The following FARS2 variants were observed in gnomAD, a reference collection of about 807,000 sequenced individuals.
FARS2 encodes the protein phenylalanine--tRNA ligase, mitochondrial.
In FARS2, 40 loss-of-function variants were observed where a neutral mutation model predicts 46.4. The ratio of observed to expected loss-of-function variants is 0.86; its 90% CI spans 0.67 to 1.12. The LOEUF (loss-of-function observed/expected upper bound fraction) is 1.12, where lower values mean the gene tolerates loss of function less well. FARS2 is among the 50% of genes most tolerant of loss of function. The pLI is 0.00. For missense variants in FARS2, 513 were observed against 567.9 expected (o/e 0.90, Z 0.98); for synonymous variants, 234 against 214.9 (o/e 1.09, Z -0.78).
intron 6 of FARS2, among the ~76,000 whole-genome samples, chr6:5,739,444 T>A (rs1255481103): frequency 6.6e-6 from 1 of 152,240 alleles, no homozygotes; most frequent in East Asian, 1.9e-4. Flanking sequence ...CAGTTATTCC[T>A]GGGAAGCAAT....
chr6:5,356,431 A>G (rs1354607823), intron 1 of FARS2, among the ~76,000 whole-genome samples: 1 of 152,188 alleles, frequency 6.6e-6, no homozygotes, highest in Admixed American at 6.5e-5. Flanking sequence ...AGCTTGGGTG[A>G]CAGAGCGAGA....
chr6:5,733,627 C>T (rs1374366888), intron 6 of FARS2, among the ~76,000 whole-genome samples: 2 of 152,188 alleles, frequency 1.3e-5, no homozygotes, highest in African/African-American at 4.8e-5. Context: ...ACTGCCTTTG[C>T]TCAAGAACAT....
chr6:5,296,356 T>A (rs1320322140), intron 1 of FARS2, among the ~76,000 whole-genome samples: 8 of 152,126 alleles, frequency 5.3e-5, no homozygotes, highest in Non-Finnish European at 1.2e-4. Flanking sequence ...TTAGCCAGGA[T>A]GGTCTCGATC....
intron 6 of FARS2, among the ~76,000 whole-genome samples, chr6:5,667,866 T>G (rs912882790): frequency 5.5e-4 from 84 of 152,258 alleles, no homozygotes; most frequent in African/African-American, 1.9e-3. Flanking sequence ...AGACAGGTGC[T>G]ATTTCCTCAA....
At chr6:5,534,968 A>G (rs1243622583) in intron 4 of FARS2, among the ~76,000 whole-genome samples, 1 of 148,766 alleles carries the variant, frequency 6.7e-6, no homozygotes, top group Non-Finnish European at 1.5e-5. Flanking sequence ...CAGCCGCGCT[A>G]CTTTACATTC....
chr6:5,421,033 T>C (rs1194289160), intron 3 of FARS2, among the ~76,000 whole-genome samples: 1 of 152,206 alleles, frequency 6.6e-6, no homozygotes, highest in African/African-American at 2.4e-5. Context: ...CCTTCTGCAC[T>C]GCCCTAGCAG....
intron 6 of FARS2, among the ~76,000 whole-genome samples, chr6:5,733,273 C>A (rs981899664): frequency 6.6e-6 from 1 of 151,946 alleles, no homozygotes; most frequent in African/African-American, 2.4e-5. Context: ...ATTAAAAAAC[C>A]AAAAAAGCAA....
At chr6:5,700,226 T>G (rs1480046546) in intron 6 of FARS2, among the ~76,000 whole-genome samples, 1 of 152,226 alleles carries the variant, frequency 6.6e-6, no homozygotes, top group South Asian at 2.1e-4. Context: ...TAGTAAAATG[T>G]AAGGCTTGAT....
At chr6:5,460,961 CA>C (rs372126789) in intron 4 of FARS2, among the ~76,000 whole-genome samples, 71 of 151,636 alleles carry the variant, frequency 4.7e-4, no homozygotes, top group Middle Eastern at 3.5e-3. Flanking sequence ...CACACCACAC[CA>C]GGGCTGTGTG....
intron 4 of FARS2, among the ~76,000 whole-genome samples, chr6:5,539,577 T>C (rs1277850669): frequency 6.6e-6 from 1 of 151,792 alleles, no homozygotes; most frequent in Non-Finnish European, 1.5e-5. Context: ...ACATCTGACT[T>C]TTAGCAGTGT....
chr6:5,315,738 T>TTTTCTTTCTTTC (rs1769438728), intron 1 of FARS2, among the ~76,000 whole-genome samples: 8 of 125,238 alleles, frequency 6.4e-5, no homozygotes, highest in East Asian at 4.9e-4. Flanking sequence ...TTCTTTCTTT[T>TTTTCTTTCTTTC]TTCCTTTCTT....
Position 5,444,781 on chromosome 6 carries a change from G to GCC in FARS2, c.904+13609_904+13610insCC, listed in dbSNP as rs1491094171. 8.2e-4 allele frequency among the ~76,000 whole-genome samples: 59 copies of GCC among 71,628 alleles called. No individual in the cohort carries two copies. In the Middle Eastern group the frequency reaches 0.019, roughly 22 times the overall value. The allele number at this position is 71,628 out of a possible 152,430, so 47.0% of individuals were successfully genotyped here. ...TTCAGGCTCATGGAAACAGTAAAAT[G>GCC]GGGCGGGGGGGAACTGACCTAATTT... On this transcript the variant is annotated intron_variant, in intron 4 of 6. Transcript: ENST00000274680.
chr6:5,498,881 T>C (rs1767629475), intron 4 of FARS2, among the ~76,000 whole-genome samples: 1 of 152,218 alleles, frequency 6.6e-6, no homozygotes, highest in South Asian at 2.1e-4. Context: ...GGCAGTTGCA[T>C]TTCCATTGAA....
chr6:5,554,194 T>C (rs1771525294), intron 5 of FARS2, among the ~76,000 whole-genome samples: 1 of 152,232 alleles, frequency 6.6e-6, no homozygotes. Flanking sequence ...GGGAGCTATG[T>C]GAATAACTCA....
chr6:5,571,715 A>G (rs1772661396), intron 5 of FARS2, among the ~76,000 whole-genome samples: 1 of 152,150 alleles, frequency 6.6e-6, no homozygotes, highest in Non-Finnish European at 1.5e-5. Flanking sequence ...TCCTGACTTC[A>G]CAGACCTTCA....
chr6:5,362,510 TG>T (rs2127629128), intron 1 of FARS2, among the ~76,000 whole-genome samples: 1 of 152,368 alleles, frequency 6.6e-6, no homozygotes, highest in African/African-American at 2.4e-5. Context: ...TCCCATATCT[TG>T]GCCATTGTGA....
intron 1 of FARS2, among the ~76,000 whole-genome samples, chr6:5,296,813 C>T (rs1250364524): frequency 2.0e-5 from 3 of 152,170 alleles, no homozygotes; most frequent in African/African-American, 4.8e-5. Context: ...CTGTGTTTCT[C>T]CATTCATTCA....
At chr6:5,693,411 G>A (rs144408750) in intron 6 of FARS2, among the ~76,000 whole-genome samples, 88 of 152,336 alleles carry the variant, frequency 5.8e-4, no homozygotes, top group African/African-American at 2.0e-3. Flanking sequence ...AGAGATGAAC[G>A]ACTGCCTCCC....
chr6:5,771,196 G>A, intron 6 of FARS2, 95 bp from the exon 7 acceptor site: 7 of 1,388,128 alleles, frequency 5.0e-6, no homozygotes, highest in Non-Finnish European at 6.1e-6. Context: ...GTTCTCCACT[G>A]CAGTTGGGGA....
Sources: allele counts gnomAD v4.1 joint callset (sites outside exome capture counted in the v4.1 genomes callset), GRCh38; gene constraint gnomAD v4.1.1; transcripts MANE v1.5; gene names NCBI Gene and HGNC (gene_info 2026-07-23, HGNC 2026-07-21).